HS3ST2: variants seen among roughly 807,000 people sequenced by gnomAD.
HS3ST2 encodes the protein heparan sulfate-glucosamine 3-sulfotransferase 2.
In HS3ST2, 17 loss-of-function variants were observed where a neutral mutation model predicts 26.3. That is an observed-to-expected ratio of 0.65 (90% CI 0.44 to 0.97). The LOEUF is 0.97. Ranked by LOEUF, HS3ST2 falls within the 50% of genes least tolerant of loss-of-function variation. The pLI, the probability that HS3ST2 is intolerant of heterozygous loss-of-function variation, is 0.00. For synonymous variants in HS3ST2, 237 were observed against 219.2 expected (o/e 1.08, Z -0.72); for missense variants, 402 against 501.2 (o/e 0.80, Z 1.89).
chr16:22,904,006 A>G (rs208635), intron 1 of HS3ST2, among the ~76,000 whole-genome samples: 143,972 of 152,208 alleles, frequency 0.95, 68,159 homozygotes, highest in East Asian at 1. Flanking sequence ...TTGTCAGTGA[A>G]GGAATAATCA....
intron 1 of HS3ST2, among the ~76,000 whole-genome samples, chr16:22,879,559 T>G (rs1901960990): frequency 6.6e-6 from 1 of 152,042 alleles, no homozygotes; most frequent in East Asian, 1.9e-4. Flanking sequence ...GGACACTGAG[T>G]GCACGTGACC....
chr16:22,865,921 A>G (rs1330414926), intron 1 of HS3ST2, among the ~76,000 whole-genome samples: 1 of 152,178 alleles, frequency 6.6e-6, no homozygotes, highest in Non-Finnish European at 1.5e-5. Context: ...GTGGGTCAAA[A>G]GAGGGGAAAA....
intron 1 of HS3ST2, among the ~76,000 whole-genome samples, chr16:22,855,499 T>C (rs1901577991): frequency 6.6e-6 from 1 of 152,144 alleles, no homozygotes; most frequent in East Asian, 1.9e-4. Context: ...CCTTGGGAAA[T>C]TTCCCCTGTC....
At chr16:22,828,378 A>G (rs79355736) in intron 1 of HS3ST2, among the ~76,000 whole-genome samples, 10,941 of 152,196 alleles carry the variant, frequency 0.072, 529 homozygotes, top group African/African-American at 0.14. Flanking sequence ...CCTCATCAGC[A>G]TGTATGGGGA....
At chr16:22,833,950 C>A (rs886180616) in intron 1 of HS3ST2, among the ~76,000 whole-genome samples, 46 of 150,926 alleles carry the variant, frequency 3.0e-4, no homozygotes, top group African/African-American at 1.1e-3. Context: ...CAAAACAAAA[C>A]AAAACAAAAG....
rs769338246 is a variant in HS3ST2 at position 22,814,892 on chromosome 16, C to A, written c.282C>A (p.Pro94=). 1.3e-6 allele frequency: 2 copies of A among 1,567,034 alleles called. No homozygotes were observed. The highest frequency in any genetic ancestry group is 8.6e-7 in the Non-Finnish European group (1 of 1,157,048). ...CCAGCGCGCCCGCCGCCGCCGTGCC[C>A]GCCCCTCGCCTCTCCGGTTCCAACC... ...SAPSAPAAAV[P]APRLSGSNHS... Residue 94 remains proline, a synonymous_variant, in exon 1 of 2, where the codon CCC becomes CCA. Coordinates refer to ENST00000261374, the MANE Select transcript of HS3ST2 (RefSeq NM_006043.2).
intron 1 of HS3ST2, among the ~76,000 whole-genome samples, chr16:22,895,985 T>C (rs1038471849): frequency 2.0e-5 from 3 of 151,968 alleles, no homozygotes; most frequent in Non-Finnish European, 4.4e-5. Context: ...TTATCTTTTT[T>C]TTTTTTAAGA....
intron 1 of HS3ST2, among the ~76,000 whole-genome samples, chr16:22,847,481 T>C (rs750915137): frequency 2.9e-4 from 44 of 152,146 alleles, no homozygotes; most frequent in Non-Finnish European, 5.7e-4. Context: ...GCAAATTTAT[T>C]AAAGCCCATG....
intron 1 of HS3ST2, among the ~76,000 whole-genome samples, chr16:22,828,789 C>A (rs937245864): frequency 2.0e-5 from 3 of 152,188 alleles, no homozygotes; most frequent in African/African-American, 7.2e-5. Context: ...TTGCAAAGCT[C>A]TGTGGTGGCG....
At position 22,814,771 on chromosome 16, in the gene HS3ST2, G is replaced by T. The variant is rs1900832107; in HGVS notation, c.161G>T (p.Arg54Leu). Residue 54 changes from arginine to leucine, a missense_variant, in exon 1 of 2, where the codon CGC (arginine) becomes CTC (leucine). Transcript: ENST00000261374. ...LGRSRLLGAP[R>L]CLRGPSAGGQ... ...CGGAGCCGCCTCCTCGGCGCGCCTC[G>T]CTGCCTCCGCGGCCCCAGCGCGGGC... The T allele has an allele frequency of 1.9e-6, 3 of 1,603,034 alleles. No individual in the cohort carries two copies. The highest frequency in any genetic ancestry group is 1.7e-5 in the Admixed American group (1 of 59,186).
At chr16:22,900,380 G>A (rs1197738167) in intron 1 of HS3ST2, among the ~76,000 whole-genome samples, 3 of 152,182 alleles carry the variant, frequency 2.0e-5, no homozygotes, top group African/African-American at 7.2e-5. Flanking sequence ...TCTCACGAGA[G>A]CAAGCTGACT....
At chr16:22,847,893 A>G (rs1388032503) in intron 1 of HS3ST2, among the ~76,000 whole-genome samples, 1 of 151,734 alleles carries the variant, frequency 6.6e-6, no homozygotes, top group Non-Finnish European at 1.5e-5. Context: ...AGGAAGAAAG[A>G]GAGAAAGACA....
chr16:22,836,205 A>T (rs1444389122), intron 1 of HS3ST2, among the ~76,000 whole-genome samples: 1 of 152,222 alleles, frequency 6.6e-6, no homozygotes, highest in Non-Finnish European at 1.5e-5. Flanking sequence ...TTACGTGTTA[A>T]AGATATTTTC....
chr16:22,814,584 T>C lies in HS3ST2; in HGVS notation c.-27T>C, dbSNP rs1304799274. The C allele has an allele frequency of 1.3e-6, 2 of 1,499,328 alleles. No homozygotes were observed. The highest frequency in any genetic ancestry group is 1.8e-6 in the Non-Finnish European group (2 of 1,128,708). 92.9% of individuals were successfully genotyped at this position (1,499,328 alleles called of 1,614,324 possible). A position where few individuals can be genotyped will look rare whatever the true frequency, so the allele number is the denominator to read the frequency against. The stretch of plus-strand genomic sequence containing the variant: ...GCCGCCGGTGCCCCCTCGGAAACCA[T>C]GACCCCCGGCGCGGGCCCATGGAGC... On this transcript the variant is annotated 5_prime_UTR_variant, in exon 1 of 2. The change abolishes an upstream ATG in the 5' untranslated region. Coordinates refer to ENST00000261374, the MANE Select transcript of HS3ST2 (RefSeq NM_006043.2).
chr16:22,819,542 G>A (rs183605307), intron 1 of HS3ST2, among the ~76,000 whole-genome samples: 212 of 152,290 alleles, frequency 1.4e-3, no homozygotes, highest in African/African-American at 4.9e-3. Flanking sequence ...GCAGGGGAAT[G>A]TGTGTGTGGA....
At chr16:22,904,667 A>T (rs2141205658) in intron 1 of HS3ST2, among the ~76,000 whole-genome samples, 1 of 152,302 alleles carries the variant, frequency 6.6e-6, no homozygotes, top group East Asian at 1.9e-4. Flanking sequence ...TGAAAAATAC[A>T]GTTTTTGGAG....
intron 1 of HS3ST2, among the ~76,000 whole-genome samples, chr16:22,892,289 CAA>C (rs529693229): frequency 3.9e-4 from 24 of 61,056 alleles, no homozygotes; most frequent in Non-Finnish European, 5.4e-4. Flanking sequence ...GACTCTGTCT[CAA>C]AAAAAAAAAA....
chr16:22,908,757 C>T (rs1055760486), intron 1 of HS3ST2, among the ~76,000 whole-genome samples: 13 of 152,138 alleles, frequency 8.5e-5, no homozygotes, highest in Admixed American at 2.0e-4. Flanking sequence ...AGGCAGAGCC[C>T]GCATGACCCA....
intron 1 of HS3ST2, among the ~76,000 whole-genome samples, chr16:22,910,468 G>A (rs990419549): frequency 1.2e-4 from 19 of 152,128 alleles, no homozygotes; most frequent in South Asian, 2.1e-4. Context: ...CCACAGTCAC[G>A]ATCTAATATA....
Sources: allele counts gnomAD v4.1 joint callset (sites outside exome capture counted in the v4.1 genomes callset), GRCh38; gene constraint gnomAD v4.1.1; transcripts MANE v1.5; gene names NCBI Gene and HGNC (gene_info 2026-07-23, HGNC 2026-07-21).